Variants in TMTC2 observed in about 807,000 individuals in gnomAD.
TMTC2 encodes protein O-mannosyl-transferase TMTC2.
In TMTC2, 43 loss-of-function variants were observed where a neutral mutation model predicts 82.4. That is an observed-to-expected ratio of 0.52 (90% confidence interval 0.41 to 0.67). TMTC2 has a LOEUF of 0.67. Among genes scored for constraint, TMTC2 ranks in the 30% least tolerant of loss-of-function variants. TMTC2 has a pLI of 0.00. For synonymous variants in TMTC2, 408 were observed against 381.9 expected, an observed-to-expected ratio of 1.07 and a Z score of -0.80; for missense variants, 919 against 1,012.4, an observed-to-expected ratio of 0.91 and a Z score of 1.25.
intron 8 of TMTC2, among the ~76,000 whole-genome samples, chr12:83,002,519 C>A (rs1420559707): frequency 6.6e-6 from 1 of 152,092 alleles, no homozygotes; most frequent in Non-Finnish European, 1.5e-5. Context: ...AATTTGACAT[C>A]TTTGTACCTT....
chr12:82,968,652 G>T (rs1218468058), intron 7 of TMTC2, among the ~76,000 whole-genome samples: 1 of 152,118 alleles, frequency 6.6e-6, no homozygotes, highest in Admixed American at 6.5e-5. Context: ...ATGGAAAGTG[G>T]TGATGATGTT....
chr12:82,860,055 C>T (rs1871459669), intron 2 of TMTC2, among the ~76,000 whole-genome samples: 1 of 152,100 alleles, frequency 6.6e-6, no homozygotes, highest in South Asian at 2.1e-4. Context: ...CTCACTGCAA[C>T]CTCTGCCTCC....
At chr12:82,732,187 C>T (rs1461860037) in intron 1 of TMTC2, among the ~76,000 whole-genome samples, 3 of 152,098 alleles carry the variant, frequency 2.0e-5, no homozygotes, top group Non-Finnish European at 2.9e-5. Context: ...ACTCCTGCTG[C>T]GTAATACCAA....
chr12:82,985,595 A>G lies in TMTC2; in HGVS notation c.1949-330A>G, dbSNP rs925282990. Among the ~76,000 whole-genome samples the G allele has an allele frequency of 3.3e-5, 5 of 152,216 alleles. No individual in the cohort carries two copies. In the South Asian group the frequency reaches 8.3e-4, roughly 25 times the overall value. On this transcript the variant is annotated intron_variant, in intron 7 of 11. Coordinates refer to ENST00000321196, the MANE Select transcript of TMTC2 (RefSeq NM_152588.3). ...TGAATAAAAAAGAACAAAAGAATAA[A>G]GAACAAACATAGCTCTCAAAAAGGA... is the stretch of plus-strand genomic sequence containing the variant.
At chr12:82,750,668 A>G (rs1323972097) in intron 1 of TMTC2, among the ~76,000 whole-genome samples, 1 of 152,098 alleles carries the variant, frequency 6.6e-6, no homozygotes, top group Non-Finnish European at 1.5e-5. Flanking sequence ...TCCTGACTTT[A>G]TGTCTATTGT....
At chr12:82,776,681 A>T (rs940004434) in intron 1 of TMTC2, among the ~76,000 whole-genome samples, 6 of 150,948 alleles carry the variant, frequency 4.0e-5, no homozygotes, top group Non-Finnish European at 7.4e-5. Context: ...GCTACTTAGG[A>T]GGCTGAGGTG....
chr12:82,922,295 G>C (rs1476201546), intron 3 of TMTC2, among the ~76,000 whole-genome samples: 1 of 152,124 alleles, frequency 6.6e-6, no homozygotes, highest in Non-Finnish European at 1.5e-5. Flanking sequence ...CAAAGTCTTT[G>C]AGTGGTCCAA....
chr12:82,869,853 A>G (rs1184672041), intron 2 of TMTC2, among the ~76,000 whole-genome samples: 1 of 151,710 alleles, frequency 6.6e-6, no homozygotes, highest in East Asian at 1.9e-4. Flanking sequence ...AAAAAAATAA[A>G]TAAAAAATAA....
At chr12:82,711,304 G>A (rs1873607694) in intron 1 of TMTC2, among the ~76,000 whole-genome samples, 1 of 152,104 alleles carries the variant, frequency 6.6e-6, no homozygotes, top group African/African-American at 2.4e-5. Context: ...AGAATGTTGG[G>A]ATTTTGTTTG....
intron 8 of TMTC2, among the ~76,000 whole-genome samples, chr12:82,987,406 A>AGAAT (rs1879199369): frequency 7.5e-6 from 1 of 133,088 alleles, no homozygotes; most frequent in Non-Finnish European, 1.6e-5. Flanking sequence ...CCTGGGCAAC[A>AGAAT]GAGACTCCAT....
At chr12:82,714,824 T>G (rs1396357220) in intron 1 of TMTC2, among the ~76,000 whole-genome samples, 4 of 152,192 alleles carry the variant, frequency 2.6e-5, no homozygotes, top group Non-Finnish European at 5.9e-5. Context: ...CTGAGATTGC[T>G]TCTCAGTTTA....
chr12:82,991,510 C>T (rs1036807907), intron 8 of TMTC2, among the ~76,000 whole-genome samples: 9 of 152,148 alleles, frequency 5.9e-5, no homozygotes, highest in Non-Finnish European at 1.2e-4. Flanking sequence ...CATTATACTT[C>T]TAATACAAAA....
chr12:82,771,163 C>T (rs1877286426), intron 1 of TMTC2, among the ~76,000 whole-genome samples: 3 of 150,136 alleles, frequency 2.0e-5, no homozygotes, highest in South Asian at 2.1e-4. Flanking sequence ...GCCGAGATCA[C>T]GCCACTGCAC....
At chr12:82,802,337 C>A (rs1434490100) in intron 1 of TMTC2, among the ~76,000 whole-genome samples, 2 of 152,204 alleles carry the variant, frequency 1.3e-5, no homozygotes, top group Non-Finnish European at 2.9e-5. Flanking sequence ...TCCCTCCACA[C>A]CTCCCCGCAA....
At chr12:82,991,390 A>G (rs1879397831) in intron 8 of TMTC2, among the ~76,000 whole-genome samples, 1 of 152,184 alleles carries the variant, frequency 6.6e-6, no homozygotes, top group South Asian at 2.1e-4. Context: ...TTTAGAAACT[A>G]TCTTTGGATA....
chr12:82,970,687 A>G (rs1878414559), intron 7 of TMTC2, among the ~76,000 whole-genome samples: 1 of 152,160 alleles, frequency 6.6e-6, no homozygotes, highest in Admixed American at 6.5e-5. Flanking sequence ...CTGTTTTTGT[A>G]TTTAGCAATG....
intron 4 of TMTC2, among the ~76,000 whole-genome samples, chr12:82,936,067 T>C (rs1371908303): frequency 6.6e-6 from 1 of 152,000 alleles, no homozygotes; most frequent in Non-Finnish European, 1.5e-5. Flanking sequence ...AAGTTATAAC[T>C]GGATATATGC....
At chr12:83,025,110 C>T (rs12813419) in intron 8 of TMTC2, among the ~76,000 whole-genome samples, 28,808 of 151,986 alleles carry the variant, frequency 0.19, 2,754 homozygotes, top group Middle Eastern at 0.25. Flanking sequence ...GAGAATGGCT[C>T]GAACCCAGGA....
intron 9 of TMTC2, among the ~76,000 whole-genome samples, chr12:83,043,252 T>C (rs925018059): frequency 1.3e-5 from 2 of 152,194 alleles, no homozygotes; most frequent in African/African-American, 4.8e-5. Flanking sequence ...TACCACTCTT[T>C]AGTAGTATCC....
Sources: allele counts gnomAD v4.1 joint callset (sites outside exome capture counted in the v4.1 genomes callset), GRCh38; gene constraint gnomAD v4.1.1; transcripts MANE v1.5; gene names NCBI Gene and HGNC (gene_info 2026-07-23, HGNC 2026-07-21).